The following WDR90 variants were observed in gnomAD, a reference collection of about 807,000 sequenced individuals.
WDR90 encodes WD repeat domain 90.
WDR90 carries 238 observed loss-of-function variants against 195.2 expected under a neutral mutation model. The observed-to-expected ratio is 1.22, with a 90% CI of 1.10 to 1.36. The LOEUF (loss-of-function observed/expected upper bound fraction) is 1.36, where lower values mean the gene tolerates loss of function less well. WDR90 is among the 40% of genes most tolerant of loss of function. The pLI is 0.00. For synonymous variants in WDR90, 1,265 were observed against 1,052.4 expected (o/e 1.20, Z -3.91); for missense variants, 2,734 against 2,439.5 (o/e 1.12, Z -2.54).
Position 665,525 on chromosome 16 carries a change from G to A in WDR90, c.4312-154G>A, listed in dbSNP as rs750694393. The A allele has an allele frequency of 1.3e-5, 16 of 1,218,028 alleles. No individual in the cohort carries two copies. The African/African-American group carries it at 2.1e-4, about 16-fold the overall frequency. The allele number at this position is 1,218,028 out of a possible 1,614,324, so 75.5% of individuals were successfully genotyped here. On this transcript the variant is annotated intron_variant, in intron 34 of 40. Transcript: ENST00000293879. Reference sequence around the variant, plus strand: ...AGTGCAGGGACACACACGGGGGCCGGCATTGCTCCTTTCCGCCATGTGGAG... The same window carrying A: ...AGTGCAGGGACACACACGGGGGCCGACATTGCTCCTTTCCGCCATGTGGAG...
chr16:656,229 G>A lies in WDR90; in HGVS notation c.1967-73G>A, dbSNP rs563347434. 3.6e-4 allele frequency: 497 copies of A among 1,399,792 alleles called. 2 individuals carry two copies. In the Middle Eastern group the frequency reaches 4.0e-3, roughly 11 times the overall value. 86.7% of individuals were successfully genotyped at this position (1,399,792 alleles called of 1,614,324 possible). A position where few individuals can be genotyped will look rare whatever the true frequency, so the allele number is the denominator to read the frequency against. On this transcript the variant is annotated intron_variant, in intron 17 of 40. Transcript: ENST00000293879. ...CAGGGAGTGCATTTGCTGGGGTGTC[G>A]GGGACCCGAAGCCTGAGCATGCGGC...
chr16:653,857 A>G, intron 13 of WDR90, 54 bp downstream of exon 13: 2 of 1,601,658 alleles, frequency 1.2e-6, no homozygotes, highest in Non-Finnish European at 1.7e-6. Context: ...GCACGCAGAC[A>G]GCTGGAAGGG....
At position 650,381 on chromosome 16, in the gene WDR90, G is replaced by A. The variant is rs779966501; in HGVS notation, c.388+19G>A. ...CAGAGAGGTGACACCAAGATGGGGTGTGGATGATCCAGGACAGGTGGCTGG... is the reference window on the plus strand; with the variant it reads ...CAGAGAGGTGACACCAAGATGGGGTATGGATGATCCAGGACAGGTGGCTGG... On this transcript the variant is annotated intron_variant, in intron 4 of 40. Transcript: ENST00000293879. 5.0e-6 allele frequency: 8 copies of A among 1,609,422 alleles called. No homozygotes were observed. Among genetic ancestry groups the A allele is most frequent in the South Asian group, 1.1e-5 (1 of 91,054 alleles).
intron 10 of WDR90, 92 bp downstream of exon 10, chr16:652,627 G>A (rs1244003090): frequency 2.3e-6 from 3 of 1,322,862 alleles, no homozygotes; most frequent in East Asian, 2.7e-5. Context: ...CCTATGTCCT[G>A]TGGTGGCTGT....
chr16:666,454 G>A lies in WDR90; in HGVS notation c.4741-1G>A, dbSNP rs747986733. 9 of 1,610,446 alleles carry A rather than the reference G, an allele frequency of 5.6e-6. No individual in the cohort carries two copies. In the South Asian group the frequency reaches 7.7e-5, roughly 14 times the overall value. The stretch of plus-strand genomic sequence containing the variant: ...TCGGCCCTCACCCACTCCATTCCCA[G>A]TGTGAAGACTTAGGGGTGGAGGGCA... On this transcript the variant is annotated splice_acceptor_variant, in intron 37 of 40. Transcript: ENST00000293879. LOFTEE classifies it high-confidence loss of function.
At position 650,580 on chromosome 16, in the gene WDR90, C is replaced by T. The variant is rs1596458040; in HGVS notation, c.430C>T (p.Leu144=). 1.2e-5 allele frequency: 19 copies of T among 1,612,476 alleles called. No individual in the cohort carries two copies. The East Asian group carries it at 4.2e-4, about 36-fold the overall frequency. The change falls in exon 5 of 41, where the codon CTG becomes TTG. Residue 144 remains leucine, a synonymous_variant. Coordinates refer to ENST00000293879, the MANE Select transcript of WDR90 (RefSeq NM_145294.5). ...CCCCTCCGGAGCCCGCTGGACCTGC[C>T]TGCAGCTCGATCTGCAGGACGTTCT... ...LAPSGARWTC[L]QLDLQDVLLV...
intron 26 of WDR90, 60 bp downstream of exon 26, chr16:659,436 C>T (rs2037843850): frequency 6.4e-7 from 1 of 1,558,452 alleles, no homozygotes; most frequent in Non-Finnish European, 8.7e-7. Context: ...GGCACAGGCC[C>T]AGTGGCAGCA....
At chr16:649,485 G>A in intron 1 of WDR90, 59 bp downstream of exon 1, 1 of 1,284,282 alleles carries the variant, frequency 7.8e-7, no homozygotes, top group Non-Finnish European at 9.8e-7. Flanking sequence ...CGGGGTCCAG[G>A]GTCGGCGGCC....
chr16:663,087 C>T (rs755060716), intron 34 of WDR90: 25 of 653,320 alleles, frequency 3.8e-5, no homozygotes, highest in African/African-American at 5.5e-5. Context: ...TGTCCTTTCC[C>T]TGCTATTGCT....
chr16:666,363 C>G lies in WDR90; in HGVS notation c.4740+13C>G. 1 of 1,612,460 alleles carries G rather than the reference C, an allele frequency of 6.2e-7. No homozygotes were observed. Among genetic ancestry groups the G allele is most frequent in the Non-Finnish European group, 8.5e-7 (1 of 1,179,860 alleles). ...CACGTGCAAAGAGGTAAAGCAGCCC[C>G]AAGAGCTGGGGAGAGGGGGCCTGGG... On this transcript the variant is annotated intron_variant, in intron 37 of 40. Transcript: ENST00000293879.
chr16:666,431 G>A (rs767323415), intron 37 of WDR90, 24 bp from the exon 38 acceptor site: 81 of 1,608,260 alleles, frequency 5.0e-5, no homozygotes, highest in Non-Finnish European at 6.0e-5. Context: ...GGCACCTGTC[G>A]GCCCTCACCC....
At position 650,028 on chromosome 16, in the gene WDR90, G is replaced by A; in HGVS notation, c.140G>A (p.Gly47Asp). Residue 47 changes from glycine to aspartate, a missense_variant, in exon 3 of 41, where the codon GGC (glycine) becomes GAC (aspartate). Transcript: ENST00000293879. ...TLKGAVYRIR[G>D]SVSAANYIQL... ...AAGGGCGCCGTGTATCGCATTCGGG[G>A]CTCAGTCTCTGCCGCCAACTACATC... The A allele has an allele frequency of 6.2e-7, 1 of 1,612,798 alleles. No homozygotes were observed. Among genetic ancestry groups the A allele is most frequent in the Non-Finnish European group, 8.5e-7 (1 of 1,179,980 alleles).
chr16:650,964 C>T (rs1459373496), intron 5 of WDR90, 31 bp from the exon 6 acceptor site: 10 of 1,609,712 alleles, frequency 6.2e-6, no homozygotes, highest in South Asian at 1.1e-5. Flanking sequence ...AAACAGCCTC[C>T]CTTGACCTGG....
In WDR90 at chr16:649,791, C is replaced by T; in HGVS notation, c.39C>T (p.Phe13=). ...GGCAGCACCCGTTCCTCAACGTCTT[C>T]AGACACTTCCGGGTGGACGAGTGGA... is the stretch of plus-strand genomic sequence containing the variant. The part of the protein sequence containing the change: ...RAWQHPFLNV[F]RHFRVDEWKR... The change falls in exon 2 of 41, where the codon TTC becomes TTT. Residue 13 remains phenylalanine (F), a synonymous_variant. Transcript: ENST00000293879. The T allele has an allele frequency of 6.4e-7, 1 of 1,573,702 alleles. No individual in the cohort carries two copies. The highest frequency in any genetic ancestry group is 8.6e-7 in the Non-Finnish European group (1 of 1,160,064).
At chr16:657,928 G>A in intron 21 of WDR90, 36 bp downstream of exon 21, 1 of 1,510,002 alleles carries the variant, frequency 6.6e-7, no homozygotes, top group South Asian at 1.2e-5. Context: ...AGGGAGACTG[G>A]GCCATGAGAG....
intron 19 of WDR90, 101 bp downstream of exon 19, chr16:656,972 C>T: frequency 1.9e-6 from 3 of 1,553,598 alleles, no homozygotes; most frequent in Non-Finnish European, 2.6e-6. Context: ...TGGCTGGAGC[C>T]CCACCCTTTG....
intron 18 of WDR90, 39 bp downstream of exon 18, chr16:656,576 G>T (rs899065070): frequency 6.4e-7 from 1 of 1,567,720 alleles, no homozygotes; most frequent in Non-Finnish European, 8.6e-7. Flanking sequence ...GGAGGGCCGG[G>T]AGGTCCTGAA....
At position 666,436 on chromosome 16, in the gene WDR90, T is replaced by A. The variant is rs2038049605; in HGVS notation, c.4741-19T>A. 1 of 1,608,912 alleles carries A rather than the reference T, an allele frequency of 6.2e-7. No homozygotes were observed. The highest frequency in any genetic ancestry group is 1.7e-5 in the Admixed American group (1 of 59,926). On this transcript the variant is annotated intron_variant, in intron 37 of 40. Coordinates refer to ENST00000293879, the MANE Select transcript of WDR90 (RefSeq NM_145294.5). Reference sequence around the variant, plus strand: ...CTTGGCAGAAGGCACCTGTCGGCCCTCACCCACTCCATTCCCAGTGTGAAG... The same window carrying A: ...CTTGGCAGAAGGCACCTGTCGGCCCACACCCACTCCATTCCCAGTGTGAAG...
rs1261640585 is a variant in WDR90 at position 658,323 on chromosome 16, G to A, written c.2745G>A (p.Val915=). Residue 915 remains valine (V), a synonymous_variant, in exon 22 of 41, where the codon GTG becomes GTA. Coordinates refer to ENST00000293879, the MANE Select transcript of WDR90 (RefSeq NM_145294.5). The stretch of plus-strand genomic sequence containing the variant: ...ACAGAGTCGTGGTGCTGGATGCTGT[G>A]TCGGGCCGCATCATCCGGGAGGTGA... ...SSNRVVVLDA[V]SGRIIRELPG... The A allele has an allele frequency of 6.2e-7, 1 of 1,612,404 alleles. No individual in the cohort carries two copies. Among genetic ancestry groups the A allele is most frequent in the African/African-American group, 1.3e-5 (1 of 74,928 alleles).
Sources: allele counts gnomAD v4.1 joint callset, GRCh38; gene constraint gnomAD v4.1.1; transcripts MANE v1.5; gene names NCBI Gene and HGNC (gene_info 2026-07-23, HGNC 2026-07-21).